The following TRAPPC13 variants were observed in gnomAD, a reference collection of about 807,000 sequenced individuals.
The protein encoded by TRAPPC13 is REV7-interacting novel NHEJ regulator 1.
A neutral mutation model predicts 54.0 loss-of-function variants in TRAPPC13; 39 were observed. The ratio of observed to expected loss-of-function variants is 0.72; its 90% CI spans 0.56 to 0.94. The LOEUF is 0.94. Among genes scored for constraint, TRAPPC13 ranks in the 40% least tolerant of loss-of-function variants. TRAPPC13 has a pLI of 0.00. For synonymous variants in TRAPPC13, 148 were observed against 167.7 expected, an observed-to-expected ratio of 0.88 and a Z score of 0.91; for missense variants, 386 against 488.1, an observed-to-expected ratio of 0.79 and a Z score of 1.97.
intron 7 of TRAPPC13, among the ~76,000 whole-genome samples, chr5:65,653,105 A>T (rs1257155426): frequency 2.1e-5 from 3 of 145,542 alleles, no homozygotes; most frequent in Non-Finnish European, 4.5e-5. Context: ...CTTTTACCCT[A>T]AAAAAAAAGA....
intron 4 of TRAPPC13, among the ~76,000 whole-genome samples, chr5:65,638,435 C>T (rs10074627): frequency 6.6e-6 from 1 of 151,964 alleles, no homozygotes; most frequent in African/African-American, 2.4e-5. Flanking sequence ...AGAGGGAATG[C>T]GAAGAGGATC....
intron 8 of TRAPPC13, among the ~76,000 whole-genome samples, chr5:65,657,739 G>A (rs879825115): frequency 3.9e-5 from 6 of 152,020 alleles, no homozygotes; most frequent in Non-Finnish European, 8.8e-5. Flanking sequence ...AATACCTTTT[G>A]CCTGATTTAA....
chr5:65,659,639 C>G (rs1489688137), intron 9 of TRAPPC13, among the ~76,000 whole-genome samples: 2 of 152,170 alleles, frequency 1.3e-5, no homozygotes. Context: ...CACCTTTCCA[C>G]AGCTAATTTA....
At chr5:65,643,839 A>AAG (rs1267886419) in intron 4 of TRAPPC13, among the ~76,000 whole-genome samples, 1 of 149,430 alleles carries the variant, frequency 6.7e-6, no homozygotes, top group Non-Finnish European at 1.5e-5. Context: ...AAAAGAAAGA[A>AAG]AAAAAAAAAA....
At position 65,659,080 on chromosome 5, in the gene TRAPPC13, A is replaced by G. The variant is rs140264523; in HGVS notation, c.698+579A>G. On this transcript the variant is annotated intron_variant, in intron 9 of 12. Transcript: ENST00000399438. ...TGATGAAATGATATTGACACTGATT[A>G]CTAACTAATGTCTATAATTTACATT... is the stretch of plus-strand genomic sequence containing the variant. Among the ~76,000 whole-genome samples the G allele has an allele frequency of 3.5e-3, 537 of 152,298 alleles. 1 individual carries two copies. The highest frequency in any genetic ancestry group is 0.012 in the African/African-American group (494 of 41,550).
intron 1 of TRAPPC13, among the ~76,000 whole-genome samples, chr5:65,628,281 C>T (rs1467500686): frequency 6.6e-6 from 1 of 152,084 alleles, no homozygotes; most frequent in Non-Finnish European, 1.5e-5. Context: ...GTATTGGGGT[C>T]TCCATACTGT....
intron 6 of TRAPPC13, among the ~76,000 whole-genome samples, chr5:65,651,955 G>A (rs995122933): frequency 1.6e-4 from 23 of 140,274 alleles, no homozygotes; most frequent in Non-Finnish European, 2.9e-4. Context: ...CCTCCGCCTT[G>A]TGGGTGCAAG....
chr5:65,662,380 A>C, intron 11 of TRAPPC13: 1 of 344,102 alleles, frequency 2.9e-6, no homozygotes, highest in Non-Finnish European at 5.2e-6. Flanking sequence ...CATTTGTCAC[A>C]CCCTATGAGG....
intron 11 of TRAPPC13, 105 bp from the exon 12 acceptor site, chr5:65,664,132 T>C: frequency 8.6e-7 from 1 of 1,162,880 alleles, no homozygotes; most frequent in Non-Finnish European, 1.2e-6. Context: ...GTTTTTATTC[T>C]CCTGGATATG....
At chr5:65,662,014 A>G in intron 10 of TRAPPC13, 36 bp from the exon 11 acceptor site, 1 of 1,486,762 alleles carries the variant, frequency 6.7e-7, no homozygotes, top group South Asian at 1.3e-5. Flanking sequence ...AGGTTTTGTG[A>G]TAGATATACA....
At chr5:65,641,518 G>C (rs1047728881) in intron 4 of TRAPPC13, among the ~76,000 whole-genome samples, 2 of 151,864 alleles carry the variant, frequency 1.3e-5, no homozygotes, top group Non-Finnish European at 2.9e-5. Flanking sequence ...GACTCACCTG[G>C]GGAATATAAT....
intron 3 of TRAPPC13, among the ~76,000 whole-genome samples, chr5:65,637,459 G>C (rs755700480): frequency 1.3e-5 from 2 of 151,596 alleles, no homozygotes; most frequent in African/African-American, 2.4e-5. Context: ...GTGAAACCCC[G>C]TCTCTACTAA....
intron 11 of TRAPPC13, 66 bp downstream of exon 11, chr5:65,662,216 C>A (rs1756872473): frequency 3.6e-6 from 4 of 1,098,502 alleles, no homozygotes; most frequent in Admixed American, 2.9e-5. Context: ...ATTTTAAAAT[C>A]TTTTTGTTAC....
chr5:65,664,865 G>C lies in TRAPPC13; in HGVS notation c.*254G>C, dbSNP rs534927272. On this transcript the variant is annotated 3_prime_UTR_variant, in exon 13 of 13. Transcript: ENST00000399438. ...TCATTTTAGATGACCATTGGACTTT[G>C]TTCTCCAAAAGCTGTGTATCTGAGA... The C allele has an allele frequency of 1.6e-3, 737 of 450,306 alleles. 1 individual carries two copies. The highest frequency in any genetic ancestry group is 2.5e-3 in the Non-Finnish European group (634 of 254,332). 27.9% of individuals were successfully genotyped at this position (450,306 alleles called of 1,614,324 possible).
At chr5:65,640,729 T>A (rs1427066766) in intron 4 of TRAPPC13, among the ~76,000 whole-genome samples, 2 of 152,300 alleles carry the variant, frequency 1.3e-5, no homozygotes, top group Non-Finnish European at 2.9e-5. Context: ...AAGAGATTAA[T>A]AAAATAGCAA....
chr5:65,644,607 C>T (rs747891065), intron 4 of TRAPPC13, among the ~76,000 whole-genome samples: 8 of 152,134 alleles, frequency 5.3e-5, no homozygotes, highest in Non-Finnish European at 1.0e-4. Context: ...TATATCTGGG[C>T]GCAGTGGCTA....
intron 5 of TRAPPC13, 84 bp from the exon 6 acceptor site, chr5:65,650,726 A>G: frequency 8.8e-7 from 1 of 1,137,396 alleles, no homozygotes; most frequent in Non-Finnish European, 1.3e-6. Context: ...TGTTTTCCAA[A>G]TTTCTTAGTA....
chr5:65,650,308 C>A (rs1442433886), intron 5 of TRAPPC13, among the ~76,000 whole-genome samples: 1 of 151,386 alleles, frequency 6.6e-6, no homozygotes, highest in Admixed American at 6.6e-5. Context: ...ATTACAGGCG[C>A]CCACCACCAC....
rs368442633 is a variant in TRAPPC13, at chr5:65,650,776, GACTCAGAA to G, written c.429-33_429-26del. 2.8e-3 allele frequency: 4,312 copies of G among 1,561,664 alleles called. 97 individuals carry two copies. In the African/African-American group the frequency reaches 0.052, roughly 19 times the overall value. Reference sequence around the variant, plus strand: ...TTGATTTACTATTAAAATTAAAAATGACTCAGAATCGTTAAGACATCTTTCTGTTTCAG... The same window carrying G: ...TTGATTTACTATTAAAATTAAAAATGTCGTTAAGACATCTTTCTGTTTCAG... On this transcript the variant is annotated intron_variant, in intron 5 of 12. Transcript: ENST00000399438.
Sources: gnomAD v4.1 joint callset for allele counts (sites outside exome capture counted in the v4.1 genomes callset) on GRCh38, gnomAD v4.1.1 for gene constraint, MANE v1.5 for transcripts, NCBI Gene and HGNC (gene_info 2026-07-23, HGNC 2026-07-21) for gene names.